Variants in EIPR1 observed in about 807,000 individuals in gnomAD.
EIPR1 encodes EARP and GARP complex-interacting protein 1.
A neutral mutation model predicts 48.1 loss-of-function variants in EIPR1; 25 were observed. The ratio of observed to expected loss-of-function variants is 0.52; its 90% CI spans 0.38 to 0.73. The LOEUF is 0.73. Ranked by LOEUF, EIPR1 falls within the 30% of genes least tolerant of loss-of-function variation. The probability of loss-of-function intolerance (pLI) is 0.00; values close to 1 mark genes in which losing one functional copy is unlikely to be tolerated. For missense variants in EIPR1, 415 were observed against 506.2 expected (o/e 0.82, Z 1.73); for synonymous variants, 204 against 201.9 (o/e 1.01, Z -0.09).
intron 5 of EIPR1, chr2:3,209,071 G>A: frequency 7.0e-7 from 1 of 1,426,944 alleles, no homozygotes; most frequent in Non-Finnish European, 9.2e-7. Context: ...TGGGAAGGCA[G>A]GGTGTACACC....
At chr2:3,234,552 C>T (rs1327164662) in intron 4 of EIPR1, among the ~76,000 whole-genome samples, 1 of 152,168 alleles carries the variant, frequency 6.6e-6, no homozygotes, top group Non-Finnish European at 1.5e-5. Context: ...CAGACCCAGG[C>T]TGCCAGAGCC....
At chr2:3,202,222 C>A (rs544295433) in intron 5 of EIPR1, among the ~76,000 whole-genome samples, 1 of 152,236 alleles carries the variant, frequency 6.6e-6, no homozygotes, top group Non-Finnish European at 1.5e-5. Flanking sequence ...CAGGCGTGAG[C>A]CACCGCACCC....
intron 2 of EIPR1, among the ~76,000 whole-genome samples, chr2:3,340,324 G>A (rs1046069423): frequency 6.6e-6 from 1 of 152,212 alleles, no homozygotes; most frequent in Non-Finnish European, 1.5e-5. Context: ...CTGGGGCCAA[G>A]GAGAAGCCAG....
intron 3 of EIPR1, among the ~76,000 whole-genome samples, chr2:3,310,216 C>T (rs1466965440): frequency 2.6e-5 from 4 of 152,176 alleles, no homozygotes; most frequent in Non-Finnish European, 5.9e-5. Context: ...AGATTGACTA[C>T]AGCAAATAGC....
intron 4 of EIPR1, among the ~76,000 whole-genome samples, chr2:3,226,644 G>C (rs752474493): frequency 6.6e-6 from 1 of 152,074 alleles, no homozygotes; most frequent in South Asian, 2.1e-4. Flanking sequence ...TTTTGCTTTT[G>C]CTGCCTGTGC....
chr2:3,313,561 G>C (rs11127405), intron 3 of EIPR1, among the ~76,000 whole-genome samples: 2 of 152,122 alleles, frequency 1.3e-5, no homozygotes, highest in Admixed American at 1.3e-4. Flanking sequence ...AACGGGCTTC[G>C]AGAAGGTCCA....
intron 3 of EIPR1, among the ~76,000 whole-genome samples, chr2:3,269,362 CGCACTCA>C (rs1463829529): frequency 0.015 from 1,156 of 77,572 alleles, 338 homozygotes; most frequent in East Asian, 0.051. Flanking sequence ...ACTCAGTCAT[CGCACTCA>C]ATCATCGCAC....
chr2:3,360,687 A>G (rs1670830160), intron 1 of EIPR1, among the ~76,000 whole-genome samples: 2 of 152,248 alleles, frequency 1.3e-5, no homozygotes, highest in East Asian at 1.9e-4. Context: ...AGTGGTTTCC[A>G]GAAACAGGTA....
At chr2:3,345,310 C>T (rs1315139910) in intron 2 of EIPR1, among the ~76,000 whole-genome samples, 1 of 151,998 alleles carries the variant, frequency 6.6e-6, no homozygotes, top group East Asian at 1.9e-4. Flanking sequence ...GGGGCATAAT[C>T]AATATATTGA....
intron 3 of EIPR1, 42 bp from the exon 4 acceptor site, chr2:3,257,497 T>G: frequency 6.2e-7 from 1 of 1,606,516 alleles, no homozygotes; most frequent in Non-Finnish European, 8.5e-7. Flanking sequence ...CAGAGCACGG[T>G]GTGCCCCGCA....
intron 3 of EIPR1, among the ~76,000 whole-genome samples, chr2:3,337,549 A>G (rs1479959014): frequency 6.6e-6 from 1 of 152,184 alleles, no homozygotes; most frequent in Non-Finnish European, 1.5e-5. Flanking sequence ...AAGGTCCCAG[A>G]GCTCCAAGAG....
chr2:3,190,366 C>A lies in EIPR1; in HGVS notation c.990-858G>T, dbSNP rs114007583. On this transcript the variant is annotated intron_variant, in intron 8 of 8. Transcript: ENST00000382125. ...CTTTGTAGGAAAATGCTTCACCCCC[C>A]CAGCAAGACGGACCCTCCAGAACTC... Among the ~76,000 whole-genome samples, 574 of 152,320 alleles carry A rather than the reference C, an allele frequency of 3.8e-3. 4 individuals carry two copies. Among genetic ancestry groups the A allele is most frequent in the Middle Eastern group, 0.01 (3 of 294 alleles).
chr2:3,335,563 C>A (rs2324581), intron 3 of EIPR1, among the ~76,000 whole-genome samples: 26,246 of 152,062 alleles, frequency 0.17, 2,447 homozygotes, highest in Non-Finnish European at 0.21. Flanking sequence ...CGTCTCCAGC[C>A]GGCAAAAGGT....
chr2:3,314,996 T>C (rs894625394), intron 3 of EIPR1, among the ~76,000 whole-genome samples: 3 of 151,652 alleles, frequency 2.0e-5, no homozygotes, highest in Admixed American at 2.0e-4. Context: ...TCCGGCAAAC[T>C]GCATCCCCTC....
chr2:3,189,420 G>C lies in EIPR1; in HGVS notation c.1078C>G (p.Pro360Ala). 2 of 1,599,146 alleles carry C rather than the reference G, an allele frequency of 1.3e-6. No individual in the cohort carries two copies. The highest frequency in any genetic ancestry group is 2.2e-5 in the East Asian group (1 of 44,530). The change falls in exon 9 of 9, where the codon CCG becomes GCG. Residue 360 changes from proline (P) to alanine (A), a missense_variant. Physicochemically the swap from Pro to Ala is conservative, Grantham distance 27. Coordinates refer to ENST00000382125, the MANE Select transcript of EIPR1 (RefSeq NM_003310.5). This position sits in a 1 kb window ranked among gnomAD's most constrained non-coding sequence, Gnocchi z 4.6. ...TAGCTCAGGGAGGCAAACAGCCACG[G>C]GTCAGCCGAGGACCAGTCCACGGCA... The part of the protein sequence containing the change: ...VYAVDWSSAD[P>A]WLFASLSYDG...
At chr2:3,334,491 C>T (rs1669985694) in intron 3 of EIPR1, among the ~76,000 whole-genome samples, 1 of 152,196 alleles carries the variant, frequency 6.6e-6, no homozygotes, top group African/African-American at 2.4e-5. Context: ...GTCTGTGACT[C>T]CAGGCTTTTC....
At chr2:3,232,798 C>G (rs769705555) in intron 4 of EIPR1, among the ~76,000 whole-genome samples, 6 of 152,322 alleles carry the variant, frequency 3.9e-5, no homozygotes, top group Middle Eastern at 6.8e-3. Flanking sequence ...GTCTCTGTTT[C>G]TGTGTGTGTC....
At chr2:3,324,177 C>T (rs1669620737) in intron 3 of EIPR1, among the ~76,000 whole-genome samples, 1 of 152,254 alleles carries the variant, frequency 6.6e-6, no homozygotes, top group Non-Finnish European at 1.5e-5. Context: ...AGGAGCACCT[C>T]CTCCCCAGGC....
At chr2:3,194,410 G>A (rs1326931457) in intron 6 of EIPR1, 11 of 341,992 alleles carry the variant, frequency 3.2e-5, no homozygotes, top group South Asian at 2.2e-4. Flanking sequence ...TGGGCGAGCC[G>A]TGGAAGGAAT....
Sources: gnomAD v4.1 joint callset for allele counts (sites outside exome capture counted in the v4.1 genomes callset) on GRCh38, gnomAD v4.1.1 for gene constraint, Gnocchi (gnomAD v3.1) non-coding constraint, MANE v1.5 for transcripts, NCBI Gene and HGNC (gene_info 2026-07-23, HGNC 2026-07-21) for gene names.